EPG5: variants seen among roughly 807,000 people sequenced by gnomAD.
The protein encoded by EPG5 is ectopic P-granules 5 autophagy tethering factor.
Under a neutral mutation model 302.7 loss-of-function variants are expected in EPG5, and 159 were observed. The ratio of observed to expected loss-of-function variants is 0.53; its 90% CI spans 0.46 to 0.60. The LOEUF (loss-of-function observed/expected upper bound fraction) is 0.60, where lower values mean the gene tolerates loss of function less well. Ranked by LOEUF, EPG5 falls within the 20% of genes least tolerant of loss-of-function variation. The probability of loss-of-function intolerance (pLI) is 0.00; values close to 1 mark genes in which losing one functional copy is unlikely to be tolerated. For synonymous variants in EPG5, 1,158 were observed against 1,136.8 expected (o/e 1.02, Z -0.37); for missense variants, 2,896 against 3,092.4 (o/e 0.94, Z 1.51).
chr18:45,923,464 G>C, intron 14 of EPG5, 77 bp from the exon 15 acceptor site: 1 of 1,452,576 alleles, frequency 6.9e-7, no homozygotes, highest in South Asian at 1.2e-5. Flanking sequence ...CAAAACATTA[G>C]GCAGAATAGT....
At chr18:45,841,275 CAG>C in the EPG5 span, among the ~76,000 whole-genome samples, 1 of 151,992 alleles carries the variant, frequency 6.6e-6, no homozygotes, top group South Asian at 2.1e-4. Flanking sequence ...GGTGGAGTTC[CAG>C]AGAGCAAGCC....
At chr18:45,915,681 T>C (rs1599563656) in intron 19 of EPG5, 60 bp from the exon 20 acceptor site, 1 of 1,253,074 alleles carries the variant, frequency 8.0e-7, no homozygotes, top group East Asian at 2.3e-5. Flanking sequence ...ATCAATGACC[T>C]TTACAAGAGT....
chr18:45,860,905 T>TTTGAAA (rs1387768024), intron 39 of EPG5, among the ~76,000 whole-genome samples: 36 of 152,152 alleles, frequency 2.4e-4, no homozygotes, highest in Non-Finnish European at 1.5e-5. Flanking sequence ...GTAAACCAAC[T>TTTGAAA]GGTAATTTTT....
intron 26 of EPG5, among the ~76,000 whole-genome samples, chr18:45,900,435 A>G (rs1344023532): frequency 6.6e-6 from 1 of 150,506 alleles, no homozygotes; most frequent in African/African-American, 2.4e-5. Context: ...AAATTGATTC[A>G]CATAGGATTT....
intron 24 of EPG5, chr18:45,907,033 T>C (rs2049768311): frequency 6.6e-6 from 1 of 152,236 alleles, no homozygotes; most frequent in Non-Finnish European, 1.5e-5. Context: ...GCAGGGAATG[T>C]ATCAGATTTC....
chr18:45,846,593 C>A (rs961356983), downstream of EPG5, among the ~76,000 whole-genome samples: 1 of 143,422 alleles, frequency 7.0e-6, no homozygotes, highest in Non-Finnish European at 1.5e-5. Flanking sequence ...TGGAATTATA[C>A]TCATTTTAAA....
At chr18:45,948,882 A>G (rs961751865) in intron 5 of EPG5, among the ~76,000 whole-genome samples, 3 of 152,212 alleles carry the variant, frequency 2.0e-5, no homozygotes, top group East Asian at 3.8e-4. Context: ...CTTCTACCTA[A>G]TAAGATTCAG....
rs189131446 is a variant in EPG5, at chr18:45,953,825, G to A, written c.1008+569C>T. ...AGATTCCTCATCCCCACTCAATGGG[G>A]AAGACCATTGGATGCAACCCCATGG... On this transcript the variant is annotated intron_variant, in intron 2 of 43. Transcript: ENST00000282041. 4.9e-5 allele frequency: 48 copies of A among 985,230 alleles called. No individual in the cohort carries two copies. In the African/African-American group the frequency reaches 7.7e-4, roughly 16 times the overall value. The allele number at this position is 985,230 out of a possible 1,614,324, so 61.0% of individuals were successfully genotyped here. A position where few individuals can be genotyped will look rare whatever the true frequency, so the allele number is the denominator to read the frequency against.
intron 11 of EPG5, among the ~76,000 whole-genome samples, chr18:45,931,540 A>G (rs965688666): frequency 6.6e-6 from 1 of 152,246 alleles, no homozygotes; most frequent in South Asian, 2.1e-4. Flanking sequence ...CATTTTAAAA[A>G]TATATGTGCT....
At chr18:45,804,160 T>G in the EPG5 span, among the ~76,000 whole-genome samples, 2 of 152,170 alleles carry the variant, frequency 1.3e-5, no homozygotes, top group Non-Finnish European at 2.9e-5. Context: ...TATCTAATTT[T>G]AAAAAATTAA....
chr18:45,957,344 G>C (rs899162161), intron 1 of EPG5, among the ~76,000 whole-genome samples: 24 of 152,236 alleles, frequency 1.6e-4, no homozygotes, highest in South Asian at 4.1e-4. Flanking sequence ...ATCAGATCCA[G>C]AAGTCAGTCA....
At chr18:45,943,897 G>A (rs374591057) in intron 8 of EPG5, 108 bp downstream of exon 8, 2 of 704,022 alleles carry the variant, frequency 2.8e-6, no homozygotes, top group South Asian at 1.8e-5. Context: ...CTCAGGCCTG[G>A]GCGACACAGC....
chr18:45,912,450 G>A lies in EPG5; in HGVS notation c.3823C>T (p.Gln1275Ter), dbSNP rs773088550. ...FTPDQALKKA[Q>*]TQLKLPIVPS... ...ACGATGGGGAGCTTCAGCTGGGTCT[G>A]GGCTTTCTACAAAAAAGAAAGGGCT... Residue 1275 changes from glutamine to a stop codon, truncating the protein, a stop_gained, in exon 22 of 44, where the codon CAG becomes TAG. Transcript: ENST00000282041. LOFTEE classifies it high-confidence loss of function. 1 of 1,591,932 alleles carries A rather than the reference G, an allele frequency of 6.3e-7. No homozygotes were observed. The highest frequency in any genetic ancestry group is 1.4e-5 in the African/African-American group (1 of 73,444).
At chr18:45,808,800 T>C in the EPG5 span, among the ~76,000 whole-genome samples, 2 of 132,538 alleles carry the variant, frequency 1.5e-5, no homozygotes, top group African/African-American at 6.1e-5. Flanking sequence ...ACAGGACCTA[T>C]AAAACAAAAA....
the EPG5 span, chr18:45,838,819 T>TCCGGC: frequency 1.9e-6 from 3 of 1,560,542 alleles, no homozygotes; most frequent in Non-Finnish European, 2.6e-6. Context: ...CCTCGCCTGG[T>TCCGGC]CCGGCCCGGC....
Position 45,860,028 on chromosome 18 carries a change from C to T in EPG5, c.7009+76G>A, listed in dbSNP as rs558251069. 18 of 1,558,742 alleles carry T rather than the reference C, an allele frequency of 1.2e-5. No individual in the cohort carries two copies. The African/African-American group carries it at 2.2e-4, about 19-fold the overall frequency. ...TCCCTCACTGGGAAGAGTCTGGAAA[C>T]ATATCTGCTGATGACAATGCTTTCA... On this transcript the variant is annotated intron_variant, in intron 40 of 43. Transcript: ENST00000282041.
intron 10 of EPG5, among the ~76,000 whole-genome samples, chr18:45,939,042 G>A (rs2050601746): frequency 6.6e-6 from 1 of 152,222 alleles, no homozygotes; most frequent in South Asian, 2.1e-4. Flanking sequence ...GCTCAGGGAA[G>A]GGAGCACGGG....
At chr18:45,877,468 C>A (rs539246789) in intron 34 of EPG5, among the ~76,000 whole-genome samples, 1 of 151,944 alleles carries the variant, frequency 6.6e-6, no homozygotes, top group African/African-American at 2.4e-5. Context: ...AACTCAATAT[C>A]CAAATAGGTT....
Position 45,858,078 on chromosome 18 carries a change from G to A in EPG5, c.7227-10C>T. On this transcript the variant is annotated splice_polypyrimidine_tract_variant and intron_variant, in intron 41 of 43. Transcript: ENST00000282041. Reference sequence around the variant, plus strand: ...CTCTTCCTCCACGGAGCTAGGGGAGGCACCGGAGGAAAATAAAATTAGAAG... The same window carrying A: ...CTCTTCCTCCACGGAGCTAGGGGAGACACCGGAGGAAAATAAAATTAGAAG... The A allele has an allele frequency of 1.9e-6, 3 of 1,601,366 alleles. No homozygotes were observed. Among genetic ancestry groups the A allele is most frequent in the South Asian group, 1.1e-5 (1 of 90,508 alleles).
Sources: allele counts gnomAD v4.1 joint callset (sites outside exome capture counted in the v4.1 genomes callset), GRCh38; gene constraint gnomAD v4.1.1; transcripts MANE v1.5; gene names NCBI Gene and HGNC (gene_info 2026-07-23, HGNC 2026-07-21).